Variants in ARHGAP21 observed in about 807,000 individuals in gnomAD.
The protein encoded by ARHGAP21 is Rho GTPase activating protein 21.
In ARHGAP21, 38 loss-of-function variants were observed where a neutral mutation model predicts 164.6. The observed-to-expected ratio is 0.23, with a 90% CI of 0.18 to 0.30. ARHGAP21 has a LOEUF of 0.30. Ranked by LOEUF, ARHGAP21 falls within the 10% of genes least tolerant of loss-of-function variation. The probability of loss-of-function intolerance (pLI) is 1.00; values close to 1 mark genes in which losing one functional copy is unlikely to be tolerated. For missense variants in ARHGAP21, 1,822 were observed against 2,370.7 expected, an observed-to-expected ratio of 0.77 and a Z score of 4.81; for synonymous variants, 766 against 857.9, an observed-to-expected ratio of 0.89 and a Z score of 1.87.
At chr10:24,586,129 G>T in intron 25 of ARHGAP21, 23 bp from the exon 26 acceptor site, 1 of 1,545,550 alleles carries the variant, frequency 6.5e-7, no homozygotes, top group South Asian at 1.3e-5. Context: ...AGAGAAGAAA[G>T]ACTCTGAGCA....
At chr10:24,678,216 C>T (rs1841455629) in intron 2 of ARHGAP21, among the ~76,000 whole-genome samples, 1 of 152,170 alleles carries the variant, frequency 6.6e-6, no homozygotes. Context: ...ACATCACAAC[C>T]AGGTTACTGA....
intron 2 of ARHGAP21, among the ~76,000 whole-genome samples, chr10:24,715,223 TAAAA>T (rs1271846344): frequency 6.6e-6 from 1 of 151,990 alleles, no homozygotes; most frequent in Non-Finnish European, 1.5e-5. Flanking sequence ...ATTTTGGTAA[TAAAA>T]AAGAGAAAAT....
At position 24,686,460 on chromosome 10, in the gene ARHGAP21, A is replaced by AAT. The variant is rs1487505560; in HGVS notation, c.64-16064_64-16063insAT. ...TAAATAAATAAATAAAAATAAAGATAAATAAACTCAAACTGGAAACTATGT... is the reference window on the plus strand; with the variant it reads ...TAAATAAATAAATAAAAATAAAGATAATAATAAACTCAAACTGGAAACTATGT... On this transcript the variant is annotated intron_variant, in intron 2 of 25. Transcript: ENST00000396432. Among the ~76,000 whole-genome samples, 7 of 152,236 alleles carry AAT rather than the reference A, an allele frequency of 4.6e-5. No homozygotes were observed. The East Asian group carries it at 1.4e-3, about 29-fold the overall frequency.
intron 2 of ARHGAP21, among the ~76,000 whole-genome samples, chr10:24,701,702 A>G (rs1262292812): frequency 1.3e-5 from 2 of 152,160 alleles, no homozygotes; most frequent in Non-Finnish European, 2.9e-5. Flanking sequence ...GAAAGAAGGG[A>G]ACAAAATCTC....
At chr10:24,595,676 T>C in intron 19 of ARHGAP21, 41 bp downstream of exon 19, 1 of 1,564,470 alleles carries the variant, frequency 6.4e-7, no homozygotes. Flanking sequence ...AATTGTAACT[T>C]GAACCATTTC....
intron 2 of ARHGAP21, among the ~76,000 whole-genome samples, chr10:24,711,749 G>C (rs1467661686): frequency 6.6e-6 from 1 of 152,114 alleles, no homozygotes; most frequent in African/African-American, 2.4e-5. Flanking sequence ...GTTGTACACA[G>C]CATCAGCATC....
At position 24,669,745 on chromosome 10, in the gene ARHGAP21, C is replaced by A. The variant is rs544620932; in HGVS notation, c.243+473G>T. On this transcript the variant is annotated intron_variant, in intron 3 of 25. Coordinates refer to ENST00000396432, the MANE Select transcript of ARHGAP21 (RefSeq NM_020824.4). ...TGTGTTACTGTCCACTGAAGCCTGT[C>A]GATGTAATTCATTCTGATGAGAAGC... 1.6e-4 allele frequency among the ~76,000 whole-genome samples: 24 copies of A among 152,264 alleles called. No individual in the cohort carries two copies. The South Asian group carries it at 4.8e-3, about 30-fold the overall frequency.
At chr10:24,622,967 T>C in intron 7 of ARHGAP21, 1 of 504,806 alleles carries the variant, frequency 2.0e-6, no homozygotes, top group Non-Finnish European at 3.5e-6. Context: ...TTTTATCTGA[T>C]TCTTGTTTGA....
At chr10:24,720,252 A>C (rs1845794033) in intron 2 of ARHGAP21, among the ~76,000 whole-genome samples, 1 of 63,730 alleles carries the variant, frequency 1.6e-5, no homozygotes. Flanking sequence ...CTCTTAAATG[A>C]CCAAAAAAAA....
At chr10:24,689,934 G>GTA (rs71397967) in intron 2 of ARHGAP21, among the ~76,000 whole-genome samples, 40,678 of 134,078 alleles carry the variant, frequency 0.3, 7,371 homozygotes, top group African/African-American at 0.41. Context: ...GTATGTATAT[G>GTA]TATATATGTA....
At position 24,595,161 on chromosome 10, in the gene ARHGAP21, G is replaced by A. The variant is rs1188911173; in HGVS notation, c.3742C>T (p.Arg1248Cys). Reference sequence around the variant, plus strand: ...AGACGATCTAGAGGATCTTCTTTACGATTGGCTTCAATAAAATCAGCATAT... The same window carrying A: ...AGACGATCTAGAGGATCTTCTTTACAATTGGCTTCAATAAAATCAGCATAT... ...DKYADFIEAN[R>C]KEDPLDRLKT... Residue 1248 changes from arginine (R) to cysteine (C), a missense_variant, in exon 20 of 26, where the codon CGT (arginine) becomes TGT (cysteine). Arg to Cys is a radical substitution (Grantham distance 180). This residue lies in a region of ARHGAP21 where 117 missense variants were observed against 238.1 expected (regional missense o/e 0.49). Transcript: ENST00000396432. 2 of 1,611,484 alleles carry A rather than the reference G, an allele frequency of 1.2e-6. No individual in the cohort carries two copies. The highest frequency in any genetic ancestry group is 2.2e-5 in the East Asian group (1 of 44,656).
At chr10:24,722,732 C>T (rs1481679997) in intron 1 of ARHGAP21, 1 of 152,020 alleles carries the variant, frequency 6.6e-6, no homozygotes, top group Non-Finnish European at 1.5e-5. Flanking sequence ...GGCGTGGGCT[C>T]GGCGGCGTCT....
intron 23 of ARHGAP21, 66 bp from the exon 24 acceptor site, chr10:24,591,396 A>G (rs1034122362): frequency 5.7e-6 from 8 of 1,409,650 alleles, no homozygotes; most frequent in Non-Finnish European, 7.9e-6. Flanking sequence ...AATTTAAACA[A>G]CATTTAGTAA....
At chr10:24,622,433 CATATAT>C (rs10530408) in intron 8 of ARHGAP21, among the ~76,000 whole-genome samples, 1,287 of 88,992 alleles carry the variant, frequency 0.014, 18 homozygotes, top group Non-Finnish European at 0.018. Flanking sequence ...ACTTAAAAAA[CATATAT>C]ATATATATAT....
At chr10:24,619,412 CT>C in intron 9 of ARHGAP21, 60 bp downstream of exon 9, 1 of 1,486,008 alleles carries the variant, frequency 6.7e-7, no homozygotes, top group Non-Finnish European at 9.1e-7. Flanking sequence ...AGAAATAATA[CT>C]TTTCTGGAAA....
chr10:24,663,796 T>C (rs2131699905), intron 4 of ARHGAP21, among the ~76,000 whole-genome samples: 1 of 152,328 alleles, frequency 6.6e-6, no homozygotes, highest in East Asian at 1.9e-4. Context: ...TCCAAAGTGC[T>C]GGGGTTACAG....
intron 21 of ARHGAP21, among the ~76,000 whole-genome samples, chr10:24,593,344 T>C (rs2076421494): frequency 6.6e-6 from 1 of 152,192 alleles, no homozygotes; most frequent in Admixed American, 6.5e-5. Context: ...GTACTCATCC[T>C]CCTCTTAAAT....
At chr10:24,652,485 A>G (rs1838283292) in intron 4 of ARHGAP21, among the ~76,000 whole-genome samples, 1 of 152,212 alleles carries the variant, frequency 6.6e-6, no homozygotes, top group South Asian at 2.1e-4. Flanking sequence ...GATCATTCAG[A>G]GGACATTAAA....
intron 2 of ARHGAP21, among the ~76,000 whole-genome samples, chr10:24,711,293 G>A (rs148486316): frequency 6.6e-6 from 1 of 151,746 alleles, no homozygotes; most frequent in African/African-American, 2.4e-5. Flanking sequence ...AGAAGGAAAA[G>A]AAGGGTTTCA....
Sources: gnomAD v4.1 joint callset for allele counts (sites outside exome capture counted in the v4.1 genomes callset) on GRCh38, gnomAD v4.1.1 for gene constraint, gnomAD v4.1.1 regional missense constraint, MANE v1.5 for transcripts, NCBI Gene and HGNC (gene_info 2026-07-23, HGNC 2026-07-21) for gene names.